Variants in TENM2 observed in about 807,000 individuals in gnomAD.
TENM2 encodes teneurin transmembrane protein 2.
Under a neutral mutation model 245.2 loss-of-function variants are expected in TENM2, and 52 were observed. The ratio of observed to expected loss-of-function variants is 0.21; its 90% confidence interval spans 0.17 to 0.27. TENM2 has a LOEUF of 0.27. Among genes scored for constraint, TENM2 ranks in the 10% least tolerant of loss-of-function variants. TENM2 has a pLI of 1.00. For missense variants in TENM2, 3,046 were observed against 3,666.8 expected (o/e 0.83, Z 4.37); for synonymous variants, 1,363 against 1,438.9 (o/e 0.95, Z 1.19).
intron 3 of TENM2, among the ~76,000 whole-genome samples, chr5:167,941,043 A>C (rs1252439656): frequency 3.9e-5 from 6 of 152,218 alleles, no homozygotes; most frequent in Admixed American, 1.3e-4. Flanking sequence ...GATGATAAAT[A>C]CTAGAATGTT....
intron 2 of TENM2, among the ~76,000 whole-genome samples, chr5:167,589,617 G>GA (rs1050802990): frequency 6.6e-6 from 1 of 151,556 alleles, no homozygotes; most frequent in Admixed American, 6.6e-5. Context: ...GGAAAATTTA[G>GA]AAAAAAAATT....
At chr5:167,080,015 TCAGA>T in the TENM2 span, among the ~76,000 whole-genome samples, 1 of 152,216 alleles carries the variant, frequency 6.6e-6, no homozygotes, top group Non-Finnish European at 1.5e-5. Context: ...AAACTGAAGT[TCAGA>T]CAGACAGCTT....
At chr5:167,710,471 T>C (rs1582814150) in intron 2 of TENM2, among the ~76,000 whole-genome samples, 1 of 152,146 alleles carries the variant, frequency 6.6e-6, no homozygotes, top group African/African-American at 2.4e-5. Flanking sequence ...GAGGAACAAG[T>C]GCCTGAGCTG....
chr5:167,006,846 G>A, the TENM2 span, among the ~76,000 whole-genome samples: 1 of 151,722 alleles, frequency 6.6e-6, no homozygotes, highest in Admixed American at 6.6e-5. Context: ...TTGTATTTTT[G>A]GTAGAGATGG....
intron 3 of TENM2, among the ~76,000 whole-genome samples, chr5:167,898,518 C>T (rs138795295): frequency 1.7e-3 from 256 of 152,292 alleles, no homozygotes; most frequent in African/African-American, 5.9e-3. Flanking sequence ...TGTAATAGGG[C>T]CAGGCAGCAG....
intron 2 of TENM2, among the ~76,000 whole-genome samples, chr5:167,588,646 T>C (rs1358704824): frequency 6.6e-6 from 1 of 152,240 alleles, no homozygotes; most frequent in Non-Finnish European, 1.5e-5. Flanking sequence ...TAAAATCTAC[T>C]GTAAGTATAT....
At chr5:167,176,643 A>C in the TENM2 span, among the ~76,000 whole-genome samples, 3 of 152,208 alleles carry the variant, frequency 2.0e-5, no homozygotes, top group Non-Finnish European at 4.4e-5. Context: ...CAGTGGCCTC[A>C]ATCATAACCA....
At chr5:167,343,400 T>C (rs1443380696) in intron 1 of TENM2, among the ~76,000 whole-genome samples, 1 of 152,186 alleles carries the variant, frequency 6.6e-6, no homozygotes, top group Non-Finnish European at 1.5e-5. Context: ...GATTAGGTGT[T>C]AGCTTTAATA....
At chr5:167,078,407 C>G in the TENM2 span, among the ~76,000 whole-genome samples, 1 of 151,896 alleles carries the variant, frequency 6.6e-6, no homozygotes, top group Non-Finnish European at 1.5e-5. Context: ...CTCTTGGACC[C>G]GGGAAGTGGA....
At chr5:167,854,138 A>G (rs1770853273) in intron 2 of TENM2, among the ~76,000 whole-genome samples, 4 of 152,320 alleles carry the variant, frequency 2.6e-5, no homozygotes, top group African/African-American at 9.6e-5. Flanking sequence ...ATAATGATAA[A>G]AAGATGCTGT....
intron 3 of TENM2, among the ~76,000 whole-genome samples, chr5:167,927,075 C>CGTGTGTATGCCTGCATTT (rs1777825215): frequency 1.3e-5 from 2 of 151,912 alleles, no homozygotes; most frequent in Non-Finnish European, 2.9e-5. Flanking sequence ...CCATTGTATT[C>CGTGTGTATGCCTGCATTT]GTGTGTATGC....
the TENM2 span, among the ~76,000 whole-genome samples, chr5:166,986,287 G>A: frequency 6.6e-6 from 1 of 152,122 alleles, no homozygotes; most frequent in African/African-American, 2.4e-5. Flanking sequence ...GGACTTGTAT[G>A]TTTTGGTTAA....
At position 168,154,147 on chromosome 5, in the gene TENM2, T is replaced by TAAAAAAA. The variant is rs70976465; in HGVS notation, c.2423-8451_2423-8445dup. Among the ~76,000 whole-genome samples the TAAAAAAA allele has an allele frequency of 3.5e-3, 296 of 85,048 alleles. 7 individuals carry two copies. Among genetic ancestry groups the TAAAAAAA allele is most frequent in the African/African-American group, 0.011 (280 of 26,422 alleles). The allele number at this position is 85,048 out of a possible 152,430, so 55.8% of individuals were successfully genotyped here. On this transcript the variant is annotated intron_variant, in intron 12 of 28. Transcript: ENST00000518659. ...CATTTCCTCACATGATCACCTACTT[T>TAAAAAAA]AAAAAAAAAAAAAAAAAAACAGTAA...
intron 2 of TENM2, among the ~76,000 whole-genome samples, chr5:167,696,722 G>A (rs950828275): frequency 6.6e-5 from 10 of 152,244 alleles, no homozygotes; most frequent in East Asian, 1.9e-4. Context: ...CCGTTAGCGC[G>A]AAGGCCCTGC....
At chr5:167,466,020 C>A (rs1468093710) in intron 2 of TENM2, among the ~76,000 whole-genome samples, 1 of 152,080 alleles carries the variant, frequency 6.6e-6, no homozygotes, top group Non-Finnish European at 1.5e-5. Context: ...AGAAAAAAGA[C>A]CTAATGGTGA....
intron 2 of TENM2, among the ~76,000 whole-genome samples, chr5:167,455,433 C>T (rs143181739): frequency 1.4e-5 from 2 of 140,562 alleles, no homozygotes; most frequent in African/African-American, 5.3e-5. Context: ...TGGATTATCC[C>T]CTTGTTGTTG....
At chr5:167,649,622 G>C (rs1780201251) in intron 2 of TENM2, among the ~76,000 whole-genome samples, 1 of 152,090 alleles carries the variant, frequency 6.6e-6, no homozygotes, top group Admixed American at 6.5e-5. Flanking sequence ...CCCATTTAAA[G>C]CGGTGCTGTA....
intron 2 of TENM2, among the ~76,000 whole-genome samples, chr5:167,486,369 C>G (rs1768075458): frequency 6.6e-6 from 1 of 150,598 alleles, no homozygotes; most frequent in African/African-American, 2.4e-5. Flanking sequence ...CACTCTGTCG[C>G]CCAGGCTGGA....
At chr5:167,321,787 T>TTTTTC (rs1756744530) in intron 1 of TENM2, among the ~76,000 whole-genome samples, 1 of 35,040 alleles carries the variant, frequency 2.9e-5, no homozygotes, top group Non-Finnish European at 7.1e-5. Flanking sequence ...CTTGGCTTAT[T>TTTTTC]TTTTTTTTTT....
Sources: allele counts gnomAD v4.1 joint callset (sites outside exome capture counted in the v4.1 genomes callset), GRCh38; gene constraint gnomAD v4.1.1; transcripts MANE v1.5; gene names NCBI Gene and HGNC (gene_info 2026-07-23, HGNC 2026-07-21).